The following HRH2 variants were observed in gnomAD, a reference collection of about 807,000 sequenced individuals.
The protein encoded by HRH2 is histamine receptor H2, also known as histamine H2 receptor.
A neutral mutation model predicts 20.1 loss-of-function variants in HRH2; 4 were observed. The observed-to-expected ratio is 0.20, with a 90% confidence interval of 0.10 to 0.45. HRH2 has a LOEUF of 0.45. Among genes scored for constraint, HRH2 ranks in the 20% least tolerant of loss-of-function variants. The pLI is 0.99. For missense variants in HRH2, 250 were observed against 461.6 expected, an observed-to-expected ratio of 0.54 and a Z score of 4.20; for synonymous variants, 197 against 200.7, an observed-to-expected ratio of 0.98 and a Z score of 0.16.
At position 175,677,281 on chromosome 5, in the gene HRH2, G is replaced by A. The variant is rs371014775; in HGVS notation, c.-525-5428G>A. 2.6e-5 allele frequency among the ~76,000 whole-genome samples: 4 copies of A among 152,322 alleles called. No individual in the cohort carries two copies. Among genetic ancestry groups the A allele is most frequent in the South Asian group, 2.1e-4 (1 of 4,830 alleles). On this transcript the variant is annotated intron_variant, in intron 1 of 2. Coordinates refer to ENST00000636584, the MANE Select transcript of HRH2 (RefSeq NM_001367711.1). This position sits in a 1 kb window ranked among gnomAD's most constrained non-coding sequence, Gnocchi z 4.2. ...TGGGACTGCAGGTGTGAATCACTGC[G>A]CCCTGTTACTTTTTCTTTATGCAGT...
intron 1 of HRH2, among the ~76,000 whole-genome samples, chr5:175,667,054 GC>G (rs1762920167): frequency 6.6e-6 from 1 of 151,504 alleles, no homozygotes; most frequent in South Asian, 2.1e-4. Context: ...CTTATTTTTG[GC>G]CCAAAGGGGA....
intron 1 of HRH2, among the ~76,000 whole-genome samples, chr5:175,663,125 C>T (rs189861003): frequency 2.0e-5 from 3 of 152,212 alleles, no homozygotes; most frequent in South Asian, 2.1e-4. Context: ...TTGCTGTGAA[C>T]GTTTGCATGT....
intron 1 of HRH2, among the ~76,000 whole-genome samples, chr5:175,668,829 C>T (rs1271793657): frequency 6.6e-6 from 1 of 152,006 alleles, no homozygotes; most frequent in Non-Finnish European, 1.5e-5. Flanking sequence ...TTGTCCAAAT[C>T]CAGAAAGAGG....
intron 2 of HRH2, 146 bp downstream of exon 2, chr5:175,684,455 T>A: frequency 8.5e-7 from 1 of 1,170,852 alleles, no homozygotes; most frequent in Non-Finnish European, 1.2e-6. Flanking sequence ...CCCTCTTGCT[T>A]AATCCTCCCA....
intron 2 of HRH2, among the ~76,000 whole-genome samples, chr5:175,695,074 G>A (rs1156561629): frequency 6.6e-6 from 1 of 152,108 alleles, no homozygotes; most frequent in African/African-American, 2.4e-5. Context: ...ACAAGCCAGG[G>A]CCAGGAGCCA....
intron 1 of HRH2, among the ~76,000 whole-genome samples, chr5:175,674,226 G>T (rs916574947): frequency 6.6e-6 from 1 of 152,246 alleles, no homozygotes; most frequent in East Asian, 1.9e-4. Flanking sequence ...CGGCAGGGGG[G>T]GTCTGGGGAT....
chr5:175,683,572 C>A lies in HRH2; in HGVS notation c.339C>A (p.Ser113Arg), dbSNP rs1756065068. The change falls in exon 2 of 3, where the codon AGC becomes AGA. Residue 113 changes from serine (S) to arginine (R), a missense_variant. Physicochemically the swap from Ser to Arg is moderately radical, Grantham distance 110. Transcript: ENST00000636584. ...TASILNLFMI[S>R]LDRYCAVMDP... is the part of the protein sequence containing the mutation. Reference sequence around the variant, plus strand: ...CCATTCTTAACCTCTTCATGATCAGCCTCGACCGGTACTGCGCTGTCATGG... The same window carrying A: ...CCATTCTTAACCTCTTCATGATCAGACTCGACCGGTACTGCGCTGTCATGG... 1 of 1,614,222 alleles carries A rather than the reference C, an allele frequency of 6.2e-7. No individual in the cohort carries two copies. The highest frequency in any genetic ancestry group is 8.5e-7 in the Non-Finnish European group (1 of 1,180,044).
chr5:175,670,882 G>C (rs919749544), intron 1 of HRH2, among the ~76,000 whole-genome samples: 2 of 152,266 alleles, frequency 1.3e-5, no homozygotes, highest in African/African-American at 4.8e-5. Context: ...ATTTGGGCCT[G>C]TAACAATGCT....
At chr5:175,672,716 C>T (rs949784410) in intron 1 of HRH2, among the ~76,000 whole-genome samples, 5 of 152,284 alleles carry the variant, frequency 3.3e-5, no homozygotes, top group South Asian at 4.1e-4. Flanking sequence ...TCCTGACCCT[C>T]GCCAAGCTCT....
At chr5:175,672,542 G>A (rs758227325) in intron 1 of HRH2, among the ~76,000 whole-genome samples, 1 of 152,190 alleles carries the variant, frequency 6.6e-6, no homozygotes, top group Non-Finnish European at 1.5e-5. Context: ...GATAATGTAC[G>A]TAAAATATTT....
chr5:175,673,969 T>G (rs1454440094), intron 1 of HRH2, among the ~76,000 whole-genome samples: 1 of 152,178 alleles, frequency 6.6e-6, no homozygotes, highest in East Asian at 1.9e-4. Flanking sequence ...CCTCCTAAAG[T>G]GCTAGGATTA....
At chr5:175,666,043 T>C (rs999230781) in intron 1 of HRH2, among the ~76,000 whole-genome samples, 3 of 152,202 alleles carry the variant, frequency 2.0e-5, no homozygotes, top group Non-Finnish European at 4.4e-5. Flanking sequence ...ACTGAGCCCA[T>C]AGTGGCCACA....
At chr5:175,658,577 T>A (rs1762637310) in intron 1 of HRH2, among the ~76,000 whole-genome samples, 1 of 151,982 alleles carries the variant, frequency 6.6e-6, no homozygotes. Flanking sequence ...CTCGCGGCGA[T>A]GTGTCTGTCG....
chr5:175,669,681 T>C (rs1755454854), intron 1 of HRH2, among the ~76,000 whole-genome samples: 2 of 152,204 alleles, frequency 1.3e-5, no homozygotes, highest in South Asian at 4.1e-4. Flanking sequence ...TTGTGTTTAT[T>C]TCTAACTGAC....
chr5:175,675,284 T>TC (rs1755717449), intron 1 of HRH2, among the ~76,000 whole-genome samples: 1 of 152,080 alleles, frequency 6.6e-6, no homozygotes, highest in African/African-American at 2.4e-5. Context: ...AGATATGGGG[T>TC]CCCATATCTG....
rs1316799105 is a variant in HRH2, at chr5:175,684,359, G to A, written c.1076+50G>A. ...CAGGATGGGGGCAATGGGAGGGGATGCTACTGATGGGAATGATTAAGGGAG... is the reference window on the plus strand; with the variant it reads ...CAGGATGGGGGCAATGGGAGGGGATACTACTGATGGGAATGATTAAGGGAG... On this transcript the variant is annotated intron_variant, in intron 2 of 2. Coordinates refer to ENST00000636584, the MANE Select transcript of HRH2 (RefSeq NM_001367711.1). The A allele has an allele frequency of 2.5e-6, 4 of 1,581,102 alleles. No individual in the cohort carries two copies. In the East Asian group the frequency reaches 6.7e-5, roughly 27 times the overall value.
chr5:175,699,786 A>G (rs1756736623), intron 2 of HRH2, among the ~76,000 whole-genome samples: 1 of 152,164 alleles, frequency 6.6e-6, no homozygotes, highest in East Asian at 1.9e-4. Context: ...TGTTAGCCGG[A>G]ATGGTCTTGA....
At chr5:175,673,515 G>C (rs2382068) in intron 1 of HRH2, among the ~76,000 whole-genome samples, 7,809 of 152,156 alleles carry the variant, frequency 0.051, 681 homozygotes, top group African/African-American at 0.18. Context: ...GCTGCCAGGG[G>C]CTAGGGAAAG....
chr5:175,669,544 A>G (rs560704348), intron 1 of HRH2, among the ~76,000 whole-genome samples: 227 of 152,138 alleles, frequency 1.5e-3, no homozygotes, highest in Non-Finnish European at 2.5e-3. Context: ...TTGTATTTTT[A>G]GTAGAGATGG....
Sources: allele counts gnomAD v4.1 joint callset (sites outside exome capture counted in the v4.1 genomes callset), GRCh38; gene constraint gnomAD v4.1.1; non-coding constraint Gnocchi (gnomAD v3.1); transcripts MANE v1.5; gene names NCBI Gene and HGNC (gene_info 2026-07-23, HGNC 2026-07-21).